FAXC: variants seen among roughly 807,000 people sequenced by gnomAD.
The protein encoded by FAXC is failed axon connections homolog.
Under a neutral mutation model 41.9 loss-of-function variants are expected in FAXC, and 10 were observed. The observed-to-expected ratio is 0.24, with a 90% CI of 0.15 to 0.41. The LOEUF (loss-of-function observed/expected upper bound fraction) is 0.41. Among genes scored for constraint, FAXC ranks in the 10% least tolerant of loss-of-function variants. FAXC has a pLI of 1.00. For synonymous variants in FAXC, 183 were observed against 183.8 expected (o/e 1.00, Z 0.03); for missense variants, 399 against 510.9 (o/e 0.78, Z 2.11).
chr6:99,306,735 T>C (rs1253631539), intron 4 of FAXC, among the ~76,000 whole-genome samples: 1 of 152,230 alleles, frequency 6.6e-6, no homozygotes, highest in Non-Finnish European at 1.5e-5. Context: ...ATTTAAGCTC[T>C]ACCATTTACA....
intron 2 of FAXC, among the ~76,000 whole-genome samples, chr6:99,335,915 C>T (rs924822775): frequency 9.9e-5 from 15 of 151,976 alleles, no homozygotes; most frequent in Admixed American, 2.0e-4. Context: ...ATTTTAGAGA[C>T]ACTCTGATTA....
chr6:99,326,102 G>A (rs775175558), intron 3 of FAXC, among the ~76,000 whole-genome samples: 1 of 152,240 alleles, frequency 6.6e-6, no homozygotes, highest in Non-Finnish European at 1.5e-5. Flanking sequence ...GGCACAATCA[G>A]GACAGGCCTG....
intron 4 of FAXC, among the ~76,000 whole-genome samples, chr6:99,306,805 G>A (rs780003928): frequency 1.1e-4 from 16 of 152,170 alleles, no homozygotes; most frequent in African/African-American, 1.7e-4. Flanking sequence ...GGATAGGATC[G>A]TTGTGAGCAT....
chr6:99,300,518 TC>T (rs1400122267), intron 4 of FAXC, among the ~76,000 whole-genome samples: 2 of 152,230 alleles, frequency 1.3e-5, no homozygotes, highest in Non-Finnish European at 2.9e-5. Flanking sequence ...CCTGGTTCTC[TC>T]CCTTCTTGAA....
chr6:99,285,474 A>T (rs2128447607), intron 5 of FAXC, among the ~76,000 whole-genome samples: 1 of 152,318 alleles, frequency 6.6e-6, no homozygotes, highest in African/African-American at 2.4e-5. Flanking sequence ...AAACAAACAA[A>T]CTGAAACACC....
intron 4 of FAXC, among the ~76,000 whole-genome samples, chr6:99,307,178 C>A (rs945789745): frequency 2.0e-5 from 3 of 152,134 alleles, no homozygotes; most frequent in African/African-American, 7.2e-5. Context: ...CAAGAGCCAA[C>A]TAGTAGCAGG....
At chr6:99,332,569 G>A (rs572021266) in intron 3 of FAXC, among the ~76,000 whole-genome samples, 14 of 152,202 alleles carry the variant, frequency 9.2e-5, no homozygotes, top group South Asian at 6.2e-4. Context: ...TGGTACCACC[G>A]CCAGCTCAAG....
chr6:99,345,021 G>A (rs1481190981), intron 1 of FAXC, among the ~76,000 whole-genome samples: 1 of 152,006 alleles, frequency 6.6e-6, no homozygotes, highest in African/African-American at 2.4e-5. Flanking sequence ...TTTAAATTTG[G>A]GATATCATAT....
At chr6:99,311,201 C>T (rs969105066) in intron 4 of FAXC, among the ~76,000 whole-genome samples, 83 of 152,160 alleles carry the variant, frequency 5.5e-4, no homozygotes, top group African/African-American at 1.7e-3. Context: ...AAACAGAATT[C>T]GAGACAACCA....
Position 99,278,143 on chromosome 6 carries a change from G to A in FAXC, c.*3021C>T, listed in dbSNP as rs1170749774. ...TCCTGGGTAGCCCACAGCCTTGGTA[G>A]TGTCACTTTCTACAATTCATTATGT... is the stretch of plus-strand genomic sequence containing the variant. On this transcript the variant is annotated 3_prime_UTR_variant, in exon 6 of 6. Coordinates refer to ENST00000389677, the MANE Select transcript of FAXC (RefSeq NM_032511.4). The A allele has an allele frequency of 6.6e-6, 1 of 152,220 alleles. No individual in the cohort carries two copies. The highest frequency in any genetic ancestry group is 2.4e-5 in the African/African-American group (1 of 41,450). 9.4% of individuals were successfully genotyped at this position (152,220 alleles called of 1,614,324 possible). A position where few individuals can be genotyped will look rare whatever the true frequency, so the allele number is the denominator to read the frequency against.
chr6:99,289,306 C>A (rs1019009655), intron 5 of FAXC, among the ~76,000 whole-genome samples: 2 of 152,154 alleles, frequency 1.3e-5, no homozygotes, highest in African/African-American at 2.4e-5. Context: ...CATACAGATG[C>A]TCCTCGACTT....
Position 99,305,367 on chromosome 6 carries a change from T to G in FAXC, c.824-13547A>C, listed in dbSNP as rs1464488382. ...CCTAGTGAGCACCCCGGTGATGAAT[T>G]AGAGCCATCTGTTCGGTAAGCAAGC... On this transcript the variant is annotated intron_variant, in intron 4 of 5. Coordinates refer to ENST00000389677, the MANE Select transcript of FAXC (RefSeq NM_032511.4). Among the ~76,000 whole-genome samples, 4 of 152,150 alleles carry G rather than the reference T, an allele frequency of 2.6e-5. No individual in the cohort carries two copies. In the East Asian group the frequency reaches 7.7e-4, roughly 29 times the overall value.
intron 4 of FAXC, among the ~76,000 whole-genome samples, chr6:99,293,665 AGTGTGTGTGTGTGTGTGTGTGT>A (rs55827992): frequency 6.7e-4 from 83 of 123,274 alleles, no homozygotes; most frequent in African/African-American, 1.5e-3. Context: ...CTCTATACAC[AGTGTGTGTGTGTGTGTGTGTGT>A]GTGTGTGTGT....
intron 2 of FAXC, among the ~76,000 whole-genome samples, chr6:99,335,739 C>T (rs1773193994): frequency 6.6e-6 from 1 of 152,192 alleles, no homozygotes; most frequent in African/African-American, 2.4e-5. Flanking sequence ...CCTGAGAGAT[C>T]TTTTGTCTCC....
chr6:99,304,579 T>C (rs1771842725), intron 4 of FAXC, among the ~76,000 whole-genome samples: 1 of 152,250 alleles, frequency 6.6e-6, no homozygotes, highest in Non-Finnish European at 1.5e-5. Context: ...GAAACTTTTC[T>C]ATTAATGTTT....
intron 4 of FAXC, among the ~76,000 whole-genome samples, chr6:99,292,044 A>G (rs1274964599): frequency 1.3e-5 from 2 of 152,240 alleles, no homozygotes; most frequent in African/African-American, 4.8e-5. Context: ...CACAGGGAAC[A>G]TACCAAAATA....
rs1369453974 is a variant in FAXC, at chr6:99,278,301, T to G, written c.*2863A>C. The G allele has an allele frequency of 6.6e-6, 1 of 152,166 alleles. No individual in the cohort carries two copies. The highest frequency in any genetic ancestry group is 1.5e-5 in the Non-Finnish European group (1 of 68,024). The allele number at this position is 152,166 out of a possible 1,614,324, so 9.4% of individuals were successfully genotyped here. A position where few individuals can be genotyped will look rare whatever the true frequency, so the allele number is the denominator to read the frequency against. On this transcript the variant is annotated 3_prime_UTR_variant, in exon 6 of 6. Transcript: ENST00000389677. ...TAATCTTGTTGAGTGGGGGTACAGA[T>G]GGGCAAAGAGAGGTGGATGCAAGAG...
At position 99,280,677 on chromosome 6, in the gene FAXC, G is replaced by C. The variant is rs960841469; in HGVS notation, c.*487C>G. ...AGTAGGTGTTCGTTTAATATCTGTG[G>C]ATTTTATTTGACTTATGTCTCAACA... On this transcript the variant is annotated 3_prime_UTR_variant, in exon 6 of 6. Coordinates refer to ENST00000389677, the MANE Select transcript of FAXC (RefSeq NM_032511.4). 1.2e-5 allele frequency: 2 copies of C among 165,274 alleles called. No individual in the cohort carries two copies. The highest frequency in any genetic ancestry group is 4.8e-5 in the African/African-American group (2 of 41,574). The allele number at this position is 165,274 out of a possible 1,614,324, so 10.2% of individuals were successfully genotyped here.
Position 99,280,889 on chromosome 6 carries a change from C to T in FAXC, c.*275G>A, listed in dbSNP as rs188656919. On this transcript the variant is annotated 3_prime_UTR_variant, in exon 6 of 6. Transcript: ENST00000389677. ...ACCAGCTCTTACACCTGCTCTACCA[C>T]ACAATATTATTAATAGTTTTCTAAT... 55 of 329,516 alleles carry T rather than the reference C, an allele frequency of 1.7e-4. No homozygotes were observed. Among genetic ancestry groups the T allele is most frequent in the Admixed American group, 3.1e-4 (7 of 22,412 alleles). The allele number at this position is 329,516 out of a possible 1,614,324, so 20.4% of individuals were successfully genotyped here.
Sources: gnomAD v4.1 joint callset for allele counts (sites outside exome capture counted in the v4.1 genomes callset) on GRCh38, gnomAD v4.1.1 for gene constraint, MANE v1.5 for transcripts, NCBI Gene and HGNC (gene_info 2026-07-23, HGNC 2026-07-21) for gene names.